The following LPAR1 variants were observed in gnomAD, a reference collection of about 807,000 sequenced individuals.
The protein encoded by LPAR1 is lysophosphatidic acid receptor 1, also known as LPA receptor 1.
LPAR1 carries 5 observed loss-of-function variants against 23.8 expected under a neutral mutation model. The observed-to-expected ratio is 0.21, with a 90% CI of 0.11 to 0.44. LPAR1 has a LOEUF of 0.44. Among genes scored for constraint, LPAR1 ranks in the 20% least tolerant of loss-of-function variants. LPAR1 has a pLI of 0.99. For synonymous variants in LPAR1, 160 were observed against 164.7 expected (o/e 0.97, Z 0.22); for missense variants, 311 against 482.8 (o/e 0.64, Z 3.33).
chr9:110,935,373 T>C (rs951481326), intron 5 of LPAR1, among the ~76,000 whole-genome samples: 1 of 151,252 alleles, frequency 6.6e-6, no homozygotes, highest in Non-Finnish European at 1.5e-5. Context: ...TAGGGATCCT[T>C]TCAAGTTCTA....
chr9:110,984,680 T>C (rs1178541977), intron 2 of LPAR1, among the ~76,000 whole-genome samples: 1 of 151,902 alleles, frequency 6.6e-6, no homozygotes, highest in Non-Finnish European at 1.5e-5. Flanking sequence ...ACTACTCATA[T>C]GACAAATCAA....
In LPAR1 at chr9:110,987,385, A is replaced by G. The variant is rs1282393534; in HGVS notation, c.-181-13827T>C. Among the ~76,000 whole-genome samples the G allele has an allele frequency of 3.3e-5, 5 of 150,706 alleles. No homozygotes were observed. The Admixed American group carries it at 3.3e-4, about 10-fold the overall frequency. On this transcript the variant is annotated intron_variant, in intron 2 of 5. Transcript: ENST00000683809. ...ATGTTTATATAATATATATGTTTATATAATATTTCAACTCCCAATAATTTC... is the reference window on the plus strand; with the variant it reads ...ATGTTTATATAATATATATGTTTATGTAATATTTCAACTCCCAATAATTTC...
intron 2 of LPAR1, among the ~76,000 whole-genome samples, chr9:110,992,676 T>C (rs1415730869): frequency 6.6e-6 from 1 of 152,172 alleles, no homozygotes; most frequent in African/African-American, 2.4e-5. Flanking sequence ...ACTACTGGTA[T>C]GTATAATACT....
At chr9:110,956,970 A>G (rs1213287013) in intron 4 of LPAR1, among the ~76,000 whole-genome samples, 2 of 152,216 alleles carry the variant, frequency 1.3e-5, no homozygotes, top group Admixed American at 1.3e-4. Context: ...CCAGAAAAGG[A>G]TGCAACACAA....
At chr9:110,980,877 A>G (rs2096652513) in intron 2 of LPAR1, among the ~76,000 whole-genome samples, 1 of 152,116 alleles carries the variant, frequency 6.6e-6, no homozygotes, top group Admixed American at 6.6e-5. Flanking sequence ...ACATGTATCA[A>G]AATATCACAC....
chr9:110,964,231 C>A (rs2096113206), intron 4 of LPAR1, among the ~76,000 whole-genome samples: 1 of 152,048 alleles, frequency 6.6e-6, no homozygotes, highest in Non-Finnish European at 1.5e-5. Context: ...CCTTTTTAAA[C>A]CTTAAGAGTC....
At chr9:111,009,689 A>G (rs2097289696) in intron 2 of LPAR1, among the ~76,000 whole-genome samples, 1 of 151,874 alleles carries the variant, frequency 6.6e-6, no homozygotes, top group Admixed American at 6.6e-5. Context: ...AGAAAATAAT[A>G]CTGGGCATAT....
intron 2 of LPAR1, among the ~76,000 whole-genome samples, chr9:111,025,560 A>T (rs1157980848): frequency 6.6e-6 from 1 of 152,026 alleles, no homozygotes; most frequent in Non-Finnish European, 1.5e-5. Flanking sequence ...ATTAGATCCC[A>T]CTTGTCAATT....
chr9:110,947,927 A>G (rs1180080699), intron 4 of LPAR1, among the ~76,000 whole-genome samples: 5 of 1,090 alleles, frequency 4.6e-3, no homozygotes, highest in African/African-American at 0.025. Context: ...GATATAAATC[A>G]AATCAAACCA....
intron 5 of LPAR1, among the ~76,000 whole-genome samples, chr9:110,905,543 T>TG (rs1407411087): frequency 4.0e-5 from 6 of 151,860 alleles, no homozygotes; most frequent in Non-Finnish European, 8.8e-5. Context: ...TTAGTAGAGA[T>TG]GGGGTTTCAC....
chr9:110,914,779 C>G (rs1285423384), intron 5 of LPAR1, among the ~76,000 whole-genome samples: 2 of 147,930 alleles, frequency 1.4e-5, no homozygotes, highest in Non-Finnish European at 2.9e-5. Context: ...ATTAAAGACT[C>G]AAGGGGGGAA....
intron 5 of LPAR1, among the ~76,000 whole-genome samples, chr9:110,918,194 A>G (rs1281034002): frequency 6.6e-6 from 1 of 152,144 alleles, no homozygotes; most frequent in Admixed American, 6.5e-5. Flanking sequence ...TGCTAGAATT[A>G]TAGGTGTGAG....
chr9:110,970,250 G>C (rs1313210435), intron 4 of LPAR1, among the ~76,000 whole-genome samples: 1 of 152,178 alleles, frequency 6.6e-6, no homozygotes, highest in Non-Finnish European at 1.5e-5. Context: ...ACCCGCACTA[G>C]CCTAACTCAC....
At chr9:110,906,363 G>A (rs983660294) in intron 5 of LPAR1, among the ~76,000 whole-genome samples, 53 of 152,154 alleles carry the variant, frequency 3.5e-4, no homozygotes, top group African/African-American at 1.2e-3. Context: ...TGTTGACACT[G>A]GTGATGTTTT....
At chr9:110,895,221 G>T (rs556656665) in intron 5 of LPAR1, among the ~76,000 whole-genome samples, 1 of 152,326 alleles carries the variant, frequency 6.6e-6, no homozygotes, top group East Asian at 1.9e-4. Context: ...TTCTGGAAAA[G>T]AATGAAATCC....
intron 4 of LPAR1, among the ~76,000 whole-genome samples, chr9:110,944,122 A>G (rs2095287460): frequency 6.6e-6 from 1 of 152,146 alleles, no homozygotes; most frequent in Non-Finnish European, 1.5e-5. Context: ...TATCAGAATT[A>G]CCTGAGAGTT....
intron 2 of LPAR1, among the ~76,000 whole-genome samples, chr9:111,009,566 T>C (rs949081256): frequency 6.6e-6 from 1 of 152,156 alleles, no homozygotes; most frequent in Non-Finnish European, 1.5e-5. Context: ...GATTGGTTTA[T>C]GTTTGAGTGG....
At chr9:110,950,705 G>A (rs915836819) in intron 4 of LPAR1, among the ~76,000 whole-genome samples, 16 of 151,952 alleles carry the variant, frequency 1.1e-4, no homozygotes, top group East Asian at 1.9e-4. Context: ...GAGCTCTAAC[G>A]TATCTAGGAA....
At chr9:110,922,322 A>C (rs1344305759) in intron 5 of LPAR1, among the ~76,000 whole-genome samples, 1 of 152,170 alleles carries the variant, frequency 6.6e-6, no homozygotes, top group Non-Finnish European at 1.5e-5. Flanking sequence ...TTCAACATTA[A>C]ATGGCATTAC....
Sources: allele counts gnomAD v4.1 joint callset (sites outside exome capture counted in the v4.1 genomes callset), GRCh38; gene constraint gnomAD v4.1.1; transcripts MANE v1.5; gene names NCBI Gene and HGNC (gene_info 2026-07-23, HGNC 2026-07-21).